The following CNTNAP5 variants were observed in gnomAD, a reference collection of about 807,000 sequenced individuals.
CNTNAP5 encodes contactin-associated protein-like 5.
CNTNAP5 carries 72 observed loss-of-function variants against 150.2 expected under a neutral mutation model. The observed-to-expected ratio is 0.48, with a 90% CI of 0.40 to 0.58. The LOEUF (loss-of-function observed/expected upper bound fraction) is 0.58. Ranked by LOEUF, CNTNAP5 falls within the 20% of genes least tolerant of loss-of-function variation. The pLI, the probability that CNTNAP5 is intolerant of heterozygous loss-of-function variation, is 0.00. For synonymous variants in CNTNAP5, 672 were observed against 619.8 expected (o/e 1.08, Z -1.25); for missense variants, 1,636 against 1,626.2 (o/e 1.01, Z -0.10).
chr2:124,355,201 G>T (rs1212850141), intron 3 of CNTNAP5, among the ~76,000 whole-genome samples: 2 of 152,040 alleles, frequency 1.3e-5, no homozygotes, highest in Non-Finnish European at 2.9e-5. Flanking sequence ...GGGGATAAAT[G>T]TTCCACAGTG....
chr2:124,632,175 C>A (rs1677874204), intron 12 of CNTNAP5, among the ~76,000 whole-genome samples: 1 of 152,108 alleles, frequency 6.6e-6, no homozygotes, highest in African/African-American at 2.4e-5. Context: ...CTGGAAATAC[C>A]ATTTGACCCA....
intron 1 of CNTNAP5, among the ~76,000 whole-genome samples, chr2:124,127,735 G>A (rs1183924606): frequency 6.6e-6 from 1 of 152,140 alleles, no homozygotes; most frequent in East Asian, 1.9e-4. Context: ...GAACACAACA[G>A]AGCCCTCAGA....
intron 3 of CNTNAP5, among the ~76,000 whole-genome samples, chr2:124,393,896 C>T (rs987948227): frequency 7.9e-5 from 12 of 152,162 alleles, no homozygotes; most frequent in African/African-American, 1.9e-4. Context: ...TCTCTATATA[C>T]GAATGAACAA....
intron 11 of CNTNAP5, among the ~76,000 whole-genome samples, chr2:124,594,907 T>A (rs1028154626): frequency 3.0e-5 from 3 of 98,918 alleles, no homozygotes; most frequent in Non-Finnish European, 6.1e-5. Flanking sequence ...CAATTGTGAA[T>A]GGGAGTTCAC....
intron 3 of CNTNAP5, among the ~76,000 whole-genome samples, chr2:124,250,632 C>T (rs547918609): frequency 6.6e-6 from 1 of 152,012 alleles, no homozygotes; most frequent in Admixed American, 6.6e-5. Flanking sequence ...CGCATAGAGT[C>T]CTGGCAGCAT....
In CNTNAP5 at chr2:124,084,924, G is replaced by GTTTTTTTTTTTTTTTTTTTTTT. The variant is rs71394021; in HGVS notation, c.82+59207_82+59208insTTTTTTTTTTTTTTTTTTTTTT. ...TAAAAATTATGAATTCAAGTTTCCT[G>GTTTTTTTTTTTTTTTTTTTTTT]TTTTTTTTTTTTTTTGAGACGGAGT... On this transcript the variant is annotated intron_variant, in intron 1 of 23. Coordinates refer to ENST00000682447, the MANE Select transcript of CNTNAP5 (RefSeq NM_001367498.1). Among the ~76,000 whole-genome samples the GTTTTTTTTTTTTTTTTTTTTTT allele has an allele frequency of 5.6e-5, 5 of 89,980 alleles. 2 individuals are homozygous for GTTTTTTTTTTTTTTTTTTTTTT. The highest frequency in any genetic ancestry group is 8.4e-5 in the African/African-American group (2 of 23,754). The allele number at this position is 89,980 out of a possible 152,430, so 59.0% of individuals were successfully genotyped here.
chr2:124,317,145 A>G (rs1345244247), intron 3 of CNTNAP5, among the ~76,000 whole-genome samples: 1 of 152,178 alleles, frequency 6.6e-6, no homozygotes, highest in East Asian at 1.9e-4. Context: ...GGTGGCTTCA[A>G]CTAAGACCAT....
At chr2:124,104,992 G>T (rs1683143858) in intron 1 of CNTNAP5, among the ~76,000 whole-genome samples, 1 of 151,940 alleles carries the variant, frequency 6.6e-6, no homozygotes, top group Non-Finnish European at 1.5e-5. Flanking sequence ...CCCTCCCTCG[G>T]ACCAACCACT....
chr2:124,773,909 C>T (rs1325358335), intron 17 of CNTNAP5, among the ~76,000 whole-genome samples: 1 of 132,016 alleles, frequency 7.6e-6, no homozygotes, highest in African/African-American at 2.8e-5. Context: ...TAAGGGAGTG[C>T]GTGTGTGTGT....
intron 13 of CNTNAP5, among the ~76,000 whole-genome samples, chr2:124,693,304 T>A (rs1679336979): frequency 6.6e-6 from 1 of 152,120 alleles, no homozygotes; most frequent in Admixed American, 6.6e-5. Flanking sequence ...GATGATCTCA[T>A]TCAATGTTCA....
chr2:124,082,984 G>T (rs1682593800), intron 1 of CNTNAP5, among the ~76,000 whole-genome samples: 1 of 152,136 alleles, frequency 6.6e-6, no homozygotes. Context: ...GTTGTAACTG[G>T]ATCATTTACT....
chr2:124,424,399 T>C (rs976464232), intron 4 of CNTNAP5, among the ~76,000 whole-genome samples: 2 of 152,170 alleles, frequency 1.3e-5, no homozygotes, highest in African/African-American at 4.8e-5. Flanking sequence ...ACCTGGGGCA[T>C]TGGCAGTCCA....
chr2:124,477,261 A>G (rs1042086286), intron 7 of CNTNAP5, among the ~76,000 whole-genome samples: 77 of 152,170 alleles, frequency 5.1e-4, no homozygotes, highest in African/African-American at 1.8e-3. Context: ...TTATTTGAAC[A>G]AACTATGGCT....
chr2:124,399,325 G>C (rs1307062053), intron 3 of CNTNAP5, among the ~76,000 whole-genome samples: 1 of 152,132 alleles, frequency 6.6e-6, no homozygotes, highest in Non-Finnish European at 1.5e-5. Flanking sequence ...TCCATAGAGT[G>C]CTAGTTTAAG....
intron 3 of CNTNAP5, among the ~76,000 whole-genome samples, chr2:124,349,874 CTTTTTTTTTTTTTT>C (rs70996061): frequency 1.2e-5 from 1 of 81,836 alleles, no homozygotes; most frequent in Non-Finnish European, 2.2e-5. Flanking sequence ...CTGGCTATTT[CTTTTTTTTTTTTTT>C]TTTTTTTTTT....
intron 1 of CNTNAP5, among the ~76,000 whole-genome samples, chr2:124,054,895 C>T (rs1004217177): frequency 2.0e-5 from 3 of 152,136 alleles, no homozygotes; most frequent in Non-Finnish European, 4.4e-5. Context: ...AAGAGAAGCT[C>T]TCTCTACTGT....
chr2:124,426,203 T>C (rs1307795406), intron 4 of CNTNAP5, among the ~76,000 whole-genome samples: 1 of 152,210 alleles, frequency 6.6e-6, no homozygotes, highest in East Asian at 1.9e-4. Flanking sequence ...CATCCTGTTT[T>C]TTCATGTGCT....
intron 10 of CNTNAP5, among the ~76,000 whole-genome samples, chr2:124,558,481 G>A (rs938693136): frequency 6.7e-6 from 1 of 150,000 alleles, no homozygotes; most frequent in Non-Finnish European, 1.5e-5. Context: ...CAGCTGCGTA[G>A]AGGAGTCTGG....
At chr2:124,070,391 A>G (rs1368752929) in intron 1 of CNTNAP5, among the ~76,000 whole-genome samples, 1 of 104,574 alleles carries the variant, frequency 9.6e-6, no homozygotes, top group Non-Finnish European at 2.0e-5. Context: ...GAGTGGCTGA[A>G]TGGGGAAAAA....
Sources: allele counts gnomAD v4.1 joint callset (sites outside exome capture counted in the v4.1 genomes callset), GRCh38; gene constraint gnomAD v4.1.1; transcripts MANE v1.5; gene names NCBI Gene and HGNC (gene_info 2026-07-23, HGNC 2026-07-21).